Variants in APC2 observed in about 807,000 individuals in gnomAD.
APC2 encodes APC regulator of Wnt signaling pathway 2.
In APC2, 41 loss-of-function variants were observed where a neutral mutation model predicts 72.5. The ratio of observed to expected loss-of-function variants is 0.57; its 90% CI spans 0.44 to 0.73. The LOEUF is 0.73. Ranked by LOEUF, APC2 falls within the 30% of genes least tolerant of loss-of-function variation. The pLI is 0.00. For missense variants in APC2, 3,729 were observed against 3,403.4 expected (o/e 1.10, Z -2.38); for synonymous variants, 1,898 against 1,612.0 (o/e 1.18, Z -4.25).
chr19:1,460,260 G>A lies in APC2; in HGVS notation c.1383G>A (p.Ala461=), dbSNP rs375117780. The part of the protein sequence containing the change: ...HKMTRDPLNL[A]LRRYAGMTLT... ...TGACCCGGGACCCGCTGAACCTGGC[G>A]CTGCGCCGCTACGCGGGCATGACCC... The change falls in exon 11 of 15, where the codon GCG becomes GCA. Residue 461 remains alanine, a synonymous_variant. Coordinates refer to ENST00000590469, the MANE Select transcript of APC2 (RefSeq NM_005883.3). 4.0e-5 allele frequency: 64 copies of A among 1,613,420 alleles called. No homozygotes were observed. Among genetic ancestry groups the A allele is most frequent in the Non-Finnish European group, 4.7e-5 (55 of 1,180,026 alleles).
Position 1,469,215 on chromosome 19 carries a change from C to T in APC2, c.5914C>T (p.Leu1972=), listed in dbSNP as rs2084086136. The change falls in exon 15 of 15, where the codon CTG becomes TTG. Residue 1972 remains leucine (L), a synonymous_variant. Coordinates refer to ENST00000590469, the MANE Select transcript of APC2 (RefSeq NM_005883.3). ...GGGGGCGCGCGGGGGCCGCCTGGGC[C>T]TGGTGCGTGTGGCCTCAGCCCTCTC... The part of the protein sequence containing the change: ...GPGARGGRLG[L]VRVASALSSG... The T allele has an allele frequency of 7.1e-7, 1 of 1,402,308 alleles. No homozygotes were observed. The highest frequency in any genetic ancestry group is 9.3e-7 in the Non-Finnish European group (1 of 1,074,248). 86.9% of individuals were successfully genotyped at this position (1,402,308 alleles called of 1,614,324 possible). A position where few individuals can be genotyped will look rare whatever the true frequency, so the allele number is the denominator to read the frequency against.
At chr19:1,462,567 A>C (rs1176645389) in intron 14 of APC2, among the ~76,000 whole-genome samples, 1 of 148,402 alleles carries the variant, frequency 6.7e-6, no homozygotes, top group Non-Finnish European at 1.5e-5. Context: ...AGGCAGAAGA[A>C]TCGTTTGAAC....
Position 1,466,347 on chromosome 19 carries a change from C to T in APC2, c.3046C>T (p.Leu1016Phe), listed in dbSNP as rs2084014283. 6.4e-7 allele frequency: 1 copy of T among 1,560,578 alleles called. No homozygotes were observed. Among genetic ancestry groups the T allele is most frequent in the Non-Finnish European group, 8.6e-7 (1 of 1,156,444 alleles). ...TGCCTCAAGGGCGGGTGCAGAGCCC[C>T]TCGCGGGGCCTGGAATCTCTCCAGG... ...EGASRAGAEP[L>F]AGPGISPGAR... The change falls in exon 15 of 15, where the codon CTC becomes TTC. Residue 1016 changes from leucine (L) to phenylalanine (F), a missense_variant. Transcript: ENST00000590469.
At chr19:1,462,262 T>C in intron 14 of APC2, 85 bp downstream of exon 14, 2 of 1,299,832 alleles carry the variant, frequency 1.5e-6, no homozygotes, top group African/African-American at 1.5e-5. Context: ...CTCCCGTGAA[T>C]GCATGCTCCC....
In APC2 at chr19:1,467,987, C is replaced by T. The variant is rs778320373; in HGVS notation, c.4686C>T (p.Ala1562=). The T allele has an allele frequency of 3.9e-5, 61 of 1,581,480 alleles. No homozygotes were observed. Among genetic ancestry groups the T allele is most frequent in the Non-Finnish European group, 4.8e-5 (56 of 1,173,052 alleles). Residue 1562 remains alanine, a synonymous_variant, in exon 15 of 15, where the codon GCC becomes GCT. Coordinates refer to ENST00000590469, the MANE Select transcript of APC2 (RefSeq NM_005883.3). ...CTGCACCAGCTGCCCCGCCGCCCGCCCGGACCCAGCCCAGCCTCATTGCTG... is the reference window on the plus strand; with the variant it reads ...CTGCACCAGCTGCCCCGCCGCCCGCTCGGACCCAGCCCAGCCTCATTGCTG... ...SKAAPAAPPP[A]RTQPSLIADE...
In APC2 at chr19:1,471,582, C is replaced by T. The variant is rs1015450130; in HGVS notation, c.*1369C>T. On this transcript the variant is annotated 3_prime_UTR_variant, in exon 15 of 15. Transcript: ENST00000590469. ...CAACGCCTCGTCCTGCAGAGGGAGCCGACGACCTCTTTTCTGCAGAAAAGC... is the reference window on the plus strand; with the variant it reads ...CAACGCCTCGTCCTGCAGAGGGAGCTGACGACCTCTTTTCTGCAGAAAAGC... 1.3e-5 allele frequency: 2 copies of T among 152,228 alleles called. No individual in the cohort carries two copies. The highest frequency in any genetic ancestry group is 4.8e-5 in the African/African-American group (2 of 41,450). 9.4% of individuals were successfully genotyped at this position (152,228 alleles called of 1,614,324 possible). A position where few individuals can be genotyped will look rare whatever the true frequency, so the allele number is the denominator to read the frequency against.
At chr19:1,458,294 G>C (rs768496655) in intron 10 of APC2, 1 of 565,728 alleles carries the variant, frequency 1.8e-6, no homozygotes, top group Non-Finnish European at 3.2e-6. Context: ...GGCTTCGGGG[G>C]TGACTTTCAG....
At chr19:1,451,107 C>T (rs573460287) in intron 1 of APC2, among the ~76,000 whole-genome samples, 1 of 152,138 alleles carries the variant, frequency 6.6e-6, no homozygotes, top group Non-Finnish European at 1.5e-5. Context: ...CAGGAAGAGG[C>T]TGATCAGAAT....
chr19:1,447,048 C>T (rs1293844135), upstream of APC2, among the ~76,000 whole-genome samples: 1 of 152,150 alleles, frequency 6.6e-6, no homozygotes, highest in African/African-American at 2.4e-5. Context: ...CGGAGGCGCA[C>T]GTCTGCCGAC....
In APC2 at chr19:1,460,323, G is replaced by A. The variant is rs2083902729; in HGVS notation, c.1443+3G>A. On this transcript the variant is annotated splice_donor_region_variant and intron_variant, in intron 11 of 14. Transcript: ENST00000590469. ...CCTTTGGGGACGTTGCCAACAAGGT[G>A]CCCGGGGGCAGTGGGTGGGCTGGCA... 3 of 1,613,218 alleles carry A rather than the reference G, an allele frequency of 1.9e-6. No individual in the cohort carries two copies. The highest frequency in any genetic ancestry group is 8.5e-7 in the Non-Finnish European group (1 of 1,179,996).
In APC2 at chr19:1,467,857, C is replaced by T. The variant is rs1371558483; in HGVS notation, c.4556C>T (p.Pro1519Leu). ...GGCAACGACTCGGACGAGGAGCCCCCGGCGGCCGCGCCCACGCCAACCCAC... is the reference window on the plus strand; with the variant it reads ...GGCAACGACTCGGACGAGGAGCCCCTGGCGGCCGCGCCCACGCCAACCCAC... The part of the protein sequence containing the change: ...FYGNDSDEEP[P>L]AAAPTPTHRR... Residue 1519 changes from proline to leucine, a missense_variant, in exon 15 of 15, where the codon CCG (proline) becomes CTG (leucine). Coordinates refer to ENST00000590469, the MANE Select transcript of APC2 (RefSeq NM_005883.3). 10 of 1,546,772 alleles carry T rather than the reference C, an allele frequency of 6.5e-6. No homozygotes were observed. The highest frequency in any genetic ancestry group is 3.6e-5 in the South Asian group (3 of 84,070).
chr19:1,460,781 C>T lies in APC2; in HGVS notation c.1445C>T (p.Ala482Val). 1 of 1,612,886 alleles carries T rather than the reference C, an allele frequency of 6.2e-7. No homozygotes were observed. Among genetic ancestry groups the T allele is most frequent in the Non-Finnish European group, 8.5e-7 (1 of 1,179,790 alleles). Residue 482 changes from alanine to valine, a missense_variant and splice_region_variant, in exon 12 of 15, where the codon GCC (alanine) becomes GTC (valine). Ala to Val is a moderately conservative substitution (Grantham distance 64, BLOSUM62 0). Transcript: ENST00000590469. ...NLTFGDVANK[A>V]TLCARRGCME... ...CCCCGGCTGCATAACCCCCAACAGG[C>T]CACCCTGTGTGCGCGCCGCGGCTGC...
At chr19:1,463,496 T>C (rs896511405) in intron 14 of APC2, among the ~76,000 whole-genome samples, 2 of 150,656 alleles carry the variant, frequency 1.3e-5, no homozygotes, top group Non-Finnish European at 2.9e-5. Context: ...GGCAGGAGAA[T>C]TGCTTGAGTC....
Position 1,460,267 on chromosome 19 carries a change from C to G in APC2, c.1390C>G (p.Arg464Gly). The G allele has an allele frequency of 6.2e-7, 1 of 1,613,526 alleles. No homozygotes were observed. Among genetic ancestry groups the G allele is most frequent in the Non-Finnish European group, 8.5e-7 (1 of 1,180,010 alleles). Residue 464 changes from arginine (R) to glycine (G), a missense_variant, in exon 11 of 15, where the codon CGC becomes GGC. Coordinates refer to ENST00000590469, the MANE Select transcript of APC2 (RefSeq NM_005883.3). ...TRDPLNLALR[R>G]YAGMTLTNLT... Reference sequence around the variant, plus strand: ...GGACCCGCTGAACCTGGCGCTGCGCCGCTACGCGGGCATGACCCTCACCAA... The same window carrying G: ...GGACCCGCTGAACCTGGCGCTGCGCGGCTACGCGGGCATGACCCTCACCAA...
rs2083725926 is a variant in APC2 at position 1,450,151 on chromosome 19, A to G, written c.-206A>G. On this transcript the variant is annotated 5_prime_UTR_variant, in exon 1 of 15. Transcript: ENST00000590469. ...GGTCTCGCCCAGCGCTAGGAGCGGCAGCGCCGCCTGCCCAGGCCCGGACCG... is the reference window on the plus strand; with the variant it reads ...GGTCTCGCCCAGCGCTAGGAGCGGCGGCGCCGCCTGCCCAGGCCCGGACCG... 1.0e-6 allele frequency: 1 copy of G among 985,124 alleles called. No individual in the cohort carries two copies. The allele number at this position is 985,124 out of a possible 1,614,324, so 61.0% of individuals were successfully genotyped here. A position where few individuals can be genotyped will look rare whatever the true frequency, so the allele number is the denominator to read the frequency against.
At chr19:1,446,434 G>C (rs1157231152), upstream of APC2, 1 of 909,132 alleles carries the variant, frequency 1.1e-6, no homozygotes, top group Non-Finnish European at 1.3e-6. This position sits in a 1 kb window ranked among gnomAD's most constrained non-coding sequence, Gnocchi z 6.1. Flanking sequence ...CGCGGCGGCG[G>C]GGGGCGCATG....
Position 1,467,334 on chromosome 19 carries a change from G to A in APC2, c.4033G>A (p.Glu1345Lys), listed in dbSNP as rs1204121645. 2.8e-6 allele frequency: 4 copies of A among 1,425,338 alleles called. No individual in the cohort carries two copies. The East Asian group carries it at 9.0e-5, about 32-fold the overall frequency. 88.3% of individuals were successfully genotyped at this position (1,425,338 alleles called of 1,614,324 possible). Residue 1345 changes from glutamate to lysine, a missense_variant, in exon 15 of 15, where the codon GAG becomes AAG. Glu to Lys is a moderately conservative substitution (Grantham distance 56, BLOSUM62 1). Transcript: ENST00000590469. ...GGACCAGGAGCTGGAACTGCTGCGGGAGTGCCTGGGAGCCGCCGTGCCTGC... is the reference window on the plus strand; with the variant it reads ...GGACCAGGAGCTGGAACTGCTGCGGAAGTGCCTGGGAGCCGCCGTGCCTGC... ...AADQELELLR[E>K]CLGAAVPARL...
chr19:1,460,719 T>G (rs1599145063), intron 11 of APC2, 61 bp from the exon 12 acceptor site: 1 of 1,521,234 alleles, frequency 6.6e-7, no homozygotes, highest in South Asian at 1.2e-5. Context: ...GGCTGGGAGG[T>G]GAGGGGCACA....
Position 1,452,412 on chromosome 19 carries a change from C to T in APC2, c.-18-572C>T, listed in dbSNP as rs553983654. ...GTCCATCTGTCCTGCCGTTTCTGCA[C>T]AGCTTAGGTGTCACCCACTGGCCTT... is the stretch of plus-strand genomic sequence containing the variant. On this transcript the variant is annotated intron_variant, in intron 1 of 14. Transcript: ENST00000590469. The surrounding 1 kb of genome is among the most constrained non-coding windows in gnomAD (Gnocchi z 5.1). The T allele has an allele frequency of 6.3e-6, 1 of 157,782 alleles. No individual in the cohort carries two copies. The highest frequency in any genetic ancestry group is 1.8e-4 in the South Asian group (1 of 5,512). 9.8% of individuals were successfully genotyped at this position (157,782 alleles called of 1,614,324 possible).
Sources: gnomAD v4.1 joint callset for allele counts (sites outside exome capture counted in the v4.1 genomes callset) on GRCh38, gnomAD v4.1.1 for gene constraint, Gnocchi (gnomAD v3.1) non-coding constraint, MANE v1.5 for transcripts, NCBI Gene and HGNC (gene_info 2026-07-23, HGNC 2026-07-21) for gene names.